TBL1X: variants seen among roughly 807,000 people sequenced by gnomAD.
The protein encoded by TBL1X is F-box-like/WD repeat-containing protein TBL1X.
Under a neutral mutation model 50.7 loss-of-function variants are expected in TBL1X, and 10 were observed. That is an observed-to-expected ratio of 0.20 (90% CI 0.12 to 0.33). The LOEUF is 0.33. Among genes scored for constraint, TBL1X ranks in the 10% least tolerant of loss-of-function variants. The pLI is 1.00. For missense variants in TBL1X, 340 were observed against 504.4 expected (o/e 0.67, Z 3.12); for synonymous variants, 190 against 214.7 (o/e 0.88, Z 1.01).
intron 1 of TBL1X, among the ~76,000 whole-genome samples, chrX:9,483,162 A>G (rs751595738): frequency 1.1e-4 from 12 of 111,657 alleles, no homozygotes; most frequent in African/African-American, 3.9e-4. Flanking sequence ...GCATTGCAGA[A>G]ATTAAGAAAC....
At chrX:9,697,297 G>C in intron 11 of TBL1X, 72 bp from the exon 12 acceptor site, 1 of 1,173,181 alleles carries the variant, frequency 8.5e-7, no homozygotes, top group Non-Finnish European at 1.2e-6. Flanking sequence ...GTCTTTTCTT[G>C]TATGATAAAT....
intron 1 of TBL1X, among the ~76,000 whole-genome samples, chrX:9,498,237 A>T (rs757747916): frequency 8.9e-6 from 1 of 111,979 alleles, no homozygotes; most frequent in South Asian, 3.7e-4. Flanking sequence ...GAACAAAGAT[A>T]GGCCCTCATT....
chrX:9,626,130 A>C (rs1015736533), intron 2 of TBL1X, among the ~76,000 whole-genome samples: 1 of 111,266 alleles, frequency 9.0e-6, no homozygotes, highest in Non-Finnish European at 1.9e-5. Context: ...AAACTCATGT[A>C]ACACGAAGCA....
At chrX:9,650,303 A>T (rs2082826449) in intron 3 of TBL1X, among the ~76,000 whole-genome samples, 1 of 112,531 alleles carries the variant, frequency 8.9e-6, no homozygotes. Flanking sequence ...GGGGAGTCCA[A>T]GGATGCTGCA....
At chrX:9,674,934 G>A (rs1239531040) in intron 5 of TBL1X, among the ~76,000 whole-genome samples, 1 of 111,053 alleles carries the variant, frequency 9.0e-6, no homozygotes, top group East Asian at 2.8e-4. Flanking sequence ...GCATACACCT[G>A]GAGTATTTTC....
At position 9,554,721 on chromosome X, in the gene TBL1X, A is replaced by G. The variant is rs1172192743; in HGVS notation, c.-131+52872A>G. ...ATCATCTTTCCTTCAAAGATCTCAG[A>G]TCACTTTTTTAAAAAACAGCTTTAC... On this transcript the variant is annotated intron_variant, in intron 2 of 17. Transcript: ENST00000645353. Among the ~76,000 whole-genome samples, 3 of 112,281 alleles carry G rather than the reference A, an allele frequency of 2.7e-5. No individual in the cohort carries two copies. The East Asian group carries it at 8.3e-4, about 31-fold the overall frequency.
At chrX:9,522,257 A>G (rs759556157) in intron 2 of TBL1X, among the ~76,000 whole-genome samples, 18 of 111,064 alleles carry the variant, frequency 1.6e-4, no homozygotes, top group African/African-American at 3.3e-4. Flanking sequence ...GTCTCAAGCA[A>G]TGCTTCCACC....
chrX:9,481,949 A>T (rs1171464888), intron 1 of TBL1X, among the ~76,000 whole-genome samples: 1 of 112,372 alleles, frequency 8.9e-6, no homozygotes, highest in Non-Finnish European at 1.9e-5. Context: ...AATAAAACTT[A>T]TTTTGCACAT....
At chrX:9,686,192 A>C (rs890485583) in intron 6 of TBL1X, among the ~76,000 whole-genome samples, 5 of 111,163 alleles carry the variant, frequency 4.5e-5, no homozygotes, top group African/African-American at 1.6e-4. Flanking sequence ...TCACTGCAAA[A>C]CACACACGTG....
intron 1 of TBL1X, among the ~76,000 whole-genome samples, chrX:9,482,189 A>G (rs1049296441): frequency 8.9e-6 from 1 of 112,460 alleles, no homozygotes; most frequent in Admixed American, 9.4e-5. Flanking sequence ...CCTCAATAAA[A>G]TTGCTACTAC....
intron 1 of TBL1X, among the ~76,000 whole-genome samples, chrX:9,467,106 A>G (rs2081780568): frequency 8.9e-6 from 1 of 112,567 alleles, no homozygotes; most frequent in Non-Finnish European, 1.9e-5. Context: ...TTAGAAGTGA[A>G]TGTTTCAATT....
intron 2 of TBL1X, among the ~76,000 whole-genome samples, chrX:9,585,796 A>G (rs1312838413): frequency 2.7e-5 from 3 of 111,437 alleles, no homozygotes; most frequent in Admixed American, 1.9e-4. Context: ...CACTAATTAC[A>G]TGTACGGCGA....
chrX:9,545,199 G>T (rs1364565048), intron 2 of TBL1X, among the ~76,000 whole-genome samples: 1 of 109,126 alleles, frequency 9.2e-6, no homozygotes, highest in African/African-American at 3.3e-5. Context: ...TAGAGATGGG[G>T]TTTCGCCATG....
Position 9,605,019 on chromosome X carries a change from G to C in TBL1X, c.-130-35254G>C, listed in dbSNP as rs149562319. On this transcript the variant is annotated intron_variant, in intron 2 of 17. Coordinates refer to ENST00000645353, the MANE Select transcript of TBL1X (RefSeq NM_005647.4). ...GCCAAGCAAACATCCACTCAGAAAT[G>C]TTCTGTATTTGGAAGCCTCAGAGTG... Among the ~76,000 whole-genome samples the C allele has an allele frequency of 4.7e-3, 522 of 110,918 alleles. 2 individuals are homozygous for C. The highest frequency in any genetic ancestry group is 0.016 in the African/African-American group (493 of 30,484).
At chrX:9,500,553 G>A (rs1003959035) in intron 1 of TBL1X, among the ~76,000 whole-genome samples, 7 of 112,021 alleles carry the variant, frequency 6.2e-5, no homozygotes, top group Non-Finnish European at 1.3e-4. Flanking sequence ...CCGAGACTGC[G>A]CCATTGCACT....
chrX:9,642,760 G>GAGTACAGC (rs919356711), intron 3 of TBL1X, among the ~76,000 whole-genome samples: 2 of 112,689 alleles, frequency 1.8e-5, no homozygotes, highest in Non-Finnish European at 3.8e-5. Flanking sequence ...GGTCTGTGCG[G>GAGTACAGC]CAGCTGCTGT....
At chrX:9,698,754 G>T (rs1054302634) in intron 12 of TBL1X, among the ~76,000 whole-genome samples, 1 of 111,853 alleles carries the variant, frequency 8.9e-6, no homozygotes, top group Admixed American at 9.5e-5. Context: ...AATCTCAGTC[G>T]CTAGCCAAGG....
At chrX:9,635,157 G>A (rs1440003244) in intron 2 of TBL1X, among the ~76,000 whole-genome samples, 2 of 111,004 alleles carry the variant, frequency 1.8e-5, no homozygotes, top group African/African-American at 3.3e-5. Context: ...TGCTGGCCTC[G>A]CCACGAGCAC....
chrX:9,594,846 A>C (rs758709587), intron 2 of TBL1X, among the ~76,000 whole-genome samples: 1 of 110,282 alleles, frequency 9.1e-6, no homozygotes, highest in East Asian at 2.9e-4. Context: ...GAATGGGTTT[A>C]TTTTCTTTTT....
Sources: allele counts gnomAD v4.1 joint callset (sites outside exome capture counted in the v4.1 genomes callset), GRCh38; gene constraint gnomAD v4.1.1; transcripts MANE v1.5; gene names NCBI Gene and HGNC (gene_info 2026-07-23, HGNC 2026-07-21).